Variants in TIAM1 observed in about 807,000 individuals in gnomAD.
TIAM1 encodes the protein TIAM Rac1 associated GEF 1, also known as rho guanine nucleotide exchange factor TIAM1.
In TIAM1, 65 loss-of-function variants were observed where a neutral mutation model predicts 163.5. The ratio of observed to expected loss-of-function variants is 0.40; its 90% confidence interval spans 0.33 to 0.49. The LOEUF is 0.49. TIAM1 is among the 20% of genes least tolerant of loss of function. The pLI, the probability that TIAM1 is intolerant of heterozygous loss-of-function variation, is 0.77. For missense variants in TIAM1, 1,789 were observed against 2,044.7 expected (o/e 0.87, Z 2.41); for synonymous variants, 833 against 810.1 (o/e 1.03, Z -0.48).
At chr21:31,439,359 G>A (rs371002307) in intron 2 of TIAM1, among the ~76,000 whole-genome samples, 38 of 152,262 alleles carry the variant, frequency 2.5e-4, no homozygotes, top group African/African-American at 6.7e-4. Context: ...GCACGATCTC[G>A]GCTCACTGCA....
Position 31,483,259 on chromosome 21 carries a change from TG to T in TIAM1, c.-421-19225del, listed in dbSNP as rs1366847941. ...GGGATCAAGCACCCTCCCACTCCTTTGTTTTATGAAATCTGAGGTCTTGAAA... is the reference window on the plus strand; with the variant it reads ...GGGATCAAGCACCCTCCCACTCCTTTTTTTATGAAATCTGAGGTCTTGAAA... On this transcript the variant is annotated intron_variant, in intron 1 of 28. Transcript: ENST00000286827. Among the ~76,000 whole-genome samples, 4 of 152,252 alleles carry T rather than the reference TG, an allele frequency of 2.6e-5. No homozygotes were observed. In the East Asian group the frequency reaches 7.7e-4, roughly 29 times the overall value.
In TIAM1 at chr21:31,225,744, C is replaced by A. The variant is rs1157114513; in HGVS notation, c.1791G>T (p.Lys597Asn). The A allele has an allele frequency of 6.2e-7, 1 of 1,609,726 alleles. No individual in the cohort carries two copies. The highest frequency in any genetic ancestry group is 1.7e-5 in the Admixed American group (1 of 59,830). The change falls in exon 7 of 28, where the codon AAG becomes AAT. Residue 597 changes from lysine to asparagine, a missense_variant. Transcript: ENST00000541036. ...QLSSVTDSKK[K>N]KTILDQIFVW... Reference sequence around the variant, plus strand: ...CGATTACCTGATCTAATATTGTTTTCTTTTTCTTTGAGTCAGTGACTGAAG... The same window carrying A: ...CGATTACCTGATCTAATATTGTTTTATTTTTCTTTGAGTCAGTGACTGAAG...
intron 1 of TIAM1, among the ~76,000 whole-genome samples, chr21:31,488,199 C>A (rs2046341808): frequency 6.6e-6 from 1 of 152,142 alleles, no homozygotes; most frequent in Non-Finnish European, 1.5e-5. Context: ...AATGTCTATG[C>A]CGACGCTGGG....
intron 1 of TIAM1, among the ~76,000 whole-genome samples, chr21:31,470,553 GA>G (rs1319944244): frequency 6.8e-6 from 1 of 146,764 alleles, no homozygotes; most frequent in East Asian, 2.1e-4. Flanking sequence ...GGCTCGTCTC[GA>G]ACTCTTGACC....
At chr21:31,378,724 A>AC (rs1214661461) in intron 2 of TIAM1, among the ~76,000 whole-genome samples, 1 of 152,120 alleles carries the variant, frequency 6.6e-6, no homozygotes, top group Non-Finnish European at 1.5e-5. Flanking sequence ...TAGGTTCTGC[A>AC]CCCCTGGGTT....
At chr21:31,217,125 T>C (rs568559608) in intron 9 of TIAM1, among the ~76,000 whole-genome samples, 1 of 151,562 alleles carries the variant, frequency 6.6e-6, no homozygotes, top group South Asian at 2.1e-4. Context: ...AAGAATCACT[T>C]GAATCAGGGA....
At chr21:31,139,840 CTTTG>C (rs1325743772) in intron 22 of TIAM1, among the ~76,000 whole-genome samples, 13 of 152,202 alleles carry the variant, frequency 8.5e-5, no homozygotes, top group Admixed American at 5.2e-4. Flanking sequence ...TGTACACTGT[CTTTG>C]AGAGCCTGTG....
chr21:31,400,208 A>G (rs187768958), intron 2 of TIAM1, among the ~76,000 whole-genome samples: 150 of 151,882 alleles, frequency 9.9e-4, no homozygotes, highest in African/African-American at 3.5e-3. Context: ...GCTCACTGCA[A>G]CCTCCACCCC....
intron 2 of TIAM1, among the ~76,000 whole-genome samples, chr21:31,391,200 C>T (rs1427452172): frequency 6.6e-6 from 1 of 152,094 alleles, no homozygotes; most frequent in Non-Finnish European, 1.5e-5. Flanking sequence ...CTTTCATTGT[C>T]CAAGATGGAG....
At chr21:31,261,743 T>C (rs2833353) in intron 4 of TIAM1, among the ~76,000 whole-genome samples, 17,572 of 152,136 alleles carry the variant, frequency 0.12, 1,620 homozygotes, top group East Asian at 0.4. Context: ...TTTCATCCAG[T>C]TGTGACACCT....
At chr21:31,498,339 C>T (rs1011811262) in intron 1 of TIAM1, among the ~76,000 whole-genome samples, 2 of 152,190 alleles carry the variant, frequency 1.3e-5, no homozygotes, top group Admixed American at 1.3e-4. Flanking sequence ...TCTCAGACAA[C>T]CATAGAGAGG....
chr21:31,307,176 G>A (rs965745874), intron 2 of TIAM1, among the ~76,000 whole-genome samples: 1 of 152,198 alleles, frequency 6.6e-6, no homozygotes, highest in Admixed American at 6.5e-5. Flanking sequence ...TTCTACTAAT[G>A]TGAGAATTAA....
intron 2 of TIAM1, among the ~76,000 whole-genome samples, chr21:31,450,502 G>A (rs773653848): frequency 1.3e-5 from 2 of 152,124 alleles, no homozygotes; most frequent in Non-Finnish European, 2.9e-5. Flanking sequence ...CTGGGCCTGG[G>A]AAAATGCAGA....
chr21:31,183,488 A>G (rs2085130829), intron 14 of TIAM1, among the ~76,000 whole-genome samples: 1 of 152,184 alleles, frequency 6.6e-6, no homozygotes, highest in Non-Finnish European at 1.5e-5. Context: ...TTCTAATTTT[A>G]TACACCAATA....
chr21:31,390,168 C>A (rs2076944738), intron 2 of TIAM1, among the ~76,000 whole-genome samples: 1 of 152,128 alleles, frequency 6.6e-6, no homozygotes, highest in Non-Finnish European at 1.5e-5. Context: ...GTATTATGGA[C>A]ATAATGTTTT....
At chr21:31,352,874 CA>C (rs35370613) in intron 2 of TIAM1, among the ~76,000 whole-genome samples, 32,219 of 122,756 alleles carry the variant, frequency 0.26, 3,786 homozygotes, top group Middle Eastern at 0.45. Flanking sequence ...GACTCTGTCT[CA>C]AAAAAAAAAA....
At position 31,269,674 on chromosome 21, in the gene TIAM1, T is replaced by C. The variant is rs1458926729; in HGVS notation, c.-11-2691A>G. On this transcript the variant is annotated intron_variant, in intron 3 of 27. Transcript: ENST00000541036. ...TTGGTGAACTTTAAGTTTGTTTGTT[T>C]TTTTTTTTTTTTTTTGAGACGGAGT... Among the ~76,000 whole-genome samples the C allele has an allele frequency of 5.4e-5, 8 of 146,922 alleles. No homozygotes were observed. The East Asian group carries it at 1.6e-3, about 29-fold the overall frequency.
Position 31,408,189 on chromosome 21 carries a change from C to T in TIAM1, c.-369+55794G>A, listed in dbSNP as rs115446562. On this transcript the variant is annotated intron_variant, in intron 2 of 28. Transcript: ENST00000286827. Reference sequence around the variant, plus strand: ...TTGAAGCACCTGGTTATACTGTTTACTATGTGTCTGTCTATCCTTCTTTTG... The same window carrying T: ...TTGAAGCACCTGGTTATACTGTTTATTATGTGTCTGTCTATCCTTCTTTTG... 5.8e-3 allele frequency among the ~76,000 whole-genome samples: 886 copies of T among 152,284 alleles called. 12 individuals are homozygous for T. Among genetic ancestry groups the T allele is most frequent in the African/African-American group, 0.02 (812 of 41,550 alleles).
At chr21:31,184,501 C>T (rs2146449321) in intron 14 of TIAM1, among the ~76,000 whole-genome samples, 1 of 152,254 alleles carries the variant, frequency 6.6e-6, no homozygotes, top group South Asian at 2.1e-4. Context: ...ACAGAATGGA[C>T]ATCACTCTTG....
Sources: allele counts gnomAD v4.1 joint callset (sites outside exome capture counted in the v4.1 genomes callset), GRCh38; gene constraint gnomAD v4.1.1; transcripts MANE v1.5; gene names NCBI Gene and HGNC (gene_info 2026-07-23, HGNC 2026-07-21).